SEC31A: variants seen among roughly 807,000 people sequenced by gnomAD.
SEC31A encodes the protein SEC31 homolog A, COPII component, also known as protein transport protein Sec31A.
Under a neutral mutation model 151.0 loss-of-function variants are expected in SEC31A, and 70 were observed. That is an observed-to-expected ratio of 0.46 (90% CI 0.38 to 0.57). SEC31A has a LOEUF of 0.57. Among genes scored for constraint, SEC31A ranks in the 20% least tolerant of loss-of-function variants. SEC31A has a pLI of 0.00. For missense variants in SEC31A, 1,330 were observed against 1,471.2 expected, an observed-to-expected ratio of 0.90 and a Z score of 1.57; for synonymous variants, 475 against 505.9, an observed-to-expected ratio of 0.94 and a Z score of 0.82.
chr4:82,893,908 T>C (rs984514375), upstream of SEC31A: 1 of 152,142 alleles, frequency 6.6e-6, no homozygotes, highest in African/African-American at 2.4e-5. Flanking sequence ...TTGAGAAAAA[T>C]GTACTGCCCT....
At chr4:82,851,638 T>C (rs1173053009) in intron 18 of SEC31A, 34 bp from the exon 19 acceptor site, 3 of 1,561,988 alleles carry the variant, frequency 1.9e-6, no homozygotes, top group Non-Finnish European at 2.6e-6. Flanking sequence ...AACAGAAATA[T>C]CAAGACCATG....
rs539918642 is a variant in SEC31A at position 82,831,761 on chromosome 4, T to C, written c.2969-2703A>G. On this transcript the variant is annotated intron_variant, in intron 22 of 26. Transcript: ENST00000395310. ...CAGCAAATAATGTAACCACCTCATA[T>C]GGTCTTTTCTGTAAGAATATACAGA... 9.8e-5 allele frequency among the ~76,000 whole-genome samples: 15 copies of C among 152,338 alleles called. No individual in the cohort carries two copies. In the East Asian group the frequency reaches 2.9e-3, roughly 29 times the overall value.
chr4:82,848,001 A>C (rs899512577), intron 20 of SEC31A, among the ~76,000 whole-genome samples: 2 of 152,202 alleles, frequency 1.3e-5, no homozygotes, highest in African/African-American at 2.4e-5. Context: ...ACAAAATGTA[A>C]AAAGACTCCA....
intron 22 of SEC31A, among the ~76,000 whole-genome samples, chr4:82,832,039 T>C (rs1402402958): frequency 2.0e-5 from 3 of 152,070 alleles, no homozygotes; most frequent in African/African-American, 4.8e-5. Context: ...GACTTTCTTA[T>C]AGAATTGGAA....
chr4:82,829,798 G>T (rs1238903737), intron 22 of SEC31A, among the ~76,000 whole-genome samples: 4 of 151,970 alleles, frequency 2.6e-5, no homozygotes, highest in Non-Finnish European at 5.9e-5. Flanking sequence ...ATTTCAAAGT[G>T]AAAAATGAAC....
chr4:82,839,579 C>A (rs764717914), intron 22 of SEC31A, among the ~76,000 whole-genome samples: 15 of 152,218 alleles, frequency 9.9e-5, no homozygotes, highest in Non-Finnish European at 1.6e-4. Context: ...AGCTACCGTG[C>A]CCAGCCTCAT....
chr4:82,829,908 A>G (rs1163496973), intron 22 of SEC31A, among the ~76,000 whole-genome samples: 1 of 152,242 alleles, frequency 6.6e-6, no homozygotes, highest in Non-Finnish European at 1.5e-5. Context: ...ATCACAATTA[A>G]TTCTTTCACA....
intron 16 of SEC31A, among the ~76,000 whole-genome samples, chr4:82,856,049 AG>A (rs1732563273): frequency 6.6e-6 from 1 of 152,260 alleles, no homozygotes; most frequent in African/African-American, 2.4e-5. Flanking sequence ...TATATAAACA[AG>A]CGTGTTTATT....
At chr4:82,840,173 T>C (rs567944252) in intron 22 of SEC31A, among the ~76,000 whole-genome samples, 28 of 152,358 alleles carry the variant, frequency 1.8e-4, no homozygotes, top group Middle Eastern at 3.4e-3. Flanking sequence ...TAATTATTAC[T>C]ACTTCTCAAG....
At chr4:82,884,339 T>G (rs1740143717) in intron 1 of SEC31A, among the ~76,000 whole-genome samples, 1 of 151,978 alleles carries the variant, frequency 6.6e-6, no homozygotes, top group South Asian at 2.1e-4. Flanking sequence ...TTGACTTTGC[T>G]TTTTTCAAAA....
rs1417228438 is a variant in SEC31A, at chr4:82,853,682, T to C, written c.2042A>G (p.Asp681Gly). ...ACATGCTTGAGTCTGCAGGAGGCTATCTCCTTCATTTTCAAGCCTGGTTCC... is the reference window on the plus strand; with the variant it reads ...ACATGCTTGAGTCTGCAGGAGGCTACCTCCTTCATTTTCAAGCCTGGTTCC... ...LLGTRLENEG[D>G]SLLQTQACLC... is the part of the protein sequence containing the mutation. Residue 681 changes from aspartate (D) to glycine (G), a missense_variant, in exon 18 of 27, where the codon GAT (aspartate) becomes GGT (glycine). Transcript: ENST00000395310. 6.2e-7 allele frequency: 1 copy of C among 1,600,402 alleles called. No homozygotes were observed. Among genetic ancestry groups the C allele is most frequent in the Non-Finnish European group, 8.5e-7 (1 of 1,176,552 alleles).
intron 22 of SEC31A, among the ~76,000 whole-genome samples, chr4:82,839,531 C>A (rs1194010938): frequency 6.6e-6 from 1 of 152,224 alleles, no homozygotes; most frequent in Non-Finnish European, 1.5e-5. Context: ...GGTGATCCAC[C>A]TGCCTCGGCC....
At position 82,872,000 on chromosome 4, in the gene SEC31A, C is replaced by T. The variant is rs775630327; in HGVS notation, c.726G>A (p.Gln242=). ...AGGAAGCAAATCGAAGATCCCACAT[C>T]TGGATCACTGGTAACCGGTCATCCT... ...ASEDDRLPVI[Q]MWDLRFASSP... Residue 242 remains glutamine (Q), a synonymous_variant, in exon 7 of 27, where the codon CAG becomes CAA. Transcript: ENST00000395310. 6.2e-7 allele frequency: 1 copy of T among 1,613,926 alleles called. No individual in the cohort carries two copies.
intron 1 of SEC31A, chr4:82,890,649 A>T (rs1719493353): frequency 1.4e-6 from 1 of 727,356 alleles, no homozygotes; most frequent in South Asian, 5.6e-5. Context: ...CAAACCTATG[A>T]ACCTTTAAAT....
At chr4:82,851,677 GT>G in intron 18 of SEC31A, 73 bp from the exon 19 acceptor site, 2 of 1,312,320 alleles carry the variant, frequency 1.5e-6, no homozygotes, top group Non-Finnish European at 2.1e-6. Flanking sequence ...AAGATCAAGA[GT>G]TACTAAGATT....
At chr4:82,820,851 C>G (rs1182724343) in intron 26 of SEC31A, among the ~76,000 whole-genome samples, 186 bp downstream of exon 26, 1 of 152,120 alleles carries the variant, frequency 6.6e-6, no homozygotes, top group Non-Finnish European at 1.5e-5. Context: ...CAAACACACA[C>G]ACACACACCC....
intron 22 of SEC31A, among the ~76,000 whole-genome samples, chr4:82,838,534 C>A (rs962754990): frequency 6.6e-5 from 10 of 152,170 alleles, no homozygotes; most frequent in African/African-American, 2.4e-4. Context: ...AAGGCCACAT[C>A]CAGATTAATC....
intron 25 of SEC31A, among the ~76,000 whole-genome samples, chr4:82,821,636 G>A (rs996322879): frequency 5.3e-5 from 8 of 151,744 alleles, no homozygotes; most frequent in African/African-American, 1.9e-4. Context: ...GGAGGGGACT[G>A]GGATGAGGAG....
At chr4:82,869,850 TA>T (rs906821550) in intron 8 of SEC31A, among the ~76,000 whole-genome samples, 4 of 152,060 alleles carry the variant, frequency 2.6e-5, no homozygotes, top group Admixed American at 2.0e-4. Flanking sequence ...TACCTTCACA[TA>T]AAAAAGGTAA....
Sources: allele counts gnomAD v4.1 joint callset (sites outside exome capture counted in the v4.1 genomes callset), GRCh38; gene constraint gnomAD v4.1.1; transcripts MANE v1.5; gene names NCBI Gene and HGNC (gene_info 2026-07-23, HGNC 2026-07-21).